ISYNA1: variants seen among roughly 807,000 people sequenced by gnomAD.
The protein encoded by ISYNA1 is MI-1-P synthase.
Under a neutral mutation model 50.3 loss-of-function variants are expected in ISYNA1, and 34 were observed. The observed-to-expected ratio is 0.68, with a 90% CI of 0.51 to 0.90. The LOEUF (loss-of-function observed/expected upper bound fraction) is 0.90, where lower values mean the gene tolerates loss of function less well. ISYNA1 is among the 40% of genes least tolerant of loss of function. The pLI, the probability that ISYNA1 is intolerant of heterozygous loss-of-function variation, is 0.00. For synonymous variants in ISYNA1, 396 were observed against 349.9 expected, an observed-to-expected ratio of 1.13 and a Z score of -1.47; for missense variants, 718 against 784.8, an observed-to-expected ratio of 0.91 and a Z score of 1.02.
At chr19:18,435,196 C>A in intron 10 of ISYNA1, 70 bp downstream of exon 10, 1 of 1,596,214 alleles carries the variant, frequency 6.3e-7, no homozygotes, top group Non-Finnish European at 8.5e-7. Context: ...TACAGCCCCC[C>A]AAGCCCTGTG....
Position 18,435,795 on chromosome 19 carries a change from GGTTGCTCTGCACCATGTCGTCCACCAC to G in ISYNA1, c.1075_1101del (p.Val359_Asn367del). ...TCTTCGCCGGGCGTATAGAGCACTG[GGTTGCTCTGCACCATGTCGTCCACCAC>G]GTTGCTCTTGGACACCTCCTTAGAG... On this transcript the variant is annotated inframe_deletion, in exon 8 of 11. Transcript: ENST00000338128. 6.2e-7 allele frequency: 1 copy of G among 1,613,682 alleles called. No individual in the cohort carries two copies. The highest frequency in any genetic ancestry group is 2.2e-5 in the East Asian group (1 of 44,882).
intron 3 of ISYNA1, 68 bp from the exon 4 acceptor site, chr19:18,437,173 C>T: frequency 1.3e-6 from 2 of 1,497,708 alleles, no homozygotes; most frequent in Admixed American, 2.2e-5. Context: ...CGGCCTGGGC[C>T]CCACCTAGAC....
Position 18,436,017 on chromosome 19 carries a change from C to G in ISYNA1, c.975+15G>C, listed in dbSNP as rs753130605. On this transcript the variant is annotated intron_variant, in intron 7 of 10. Transcript: ENST00000338128. ...GCCCCCTTCCTGCACTCGGCAGCTC[C>G]CTAGGCCCACGCACCTTGAGGCCGG... 5 of 1,613,366 alleles carry G rather than the reference C, an allele frequency of 3.1e-6. No homozygotes were observed. The highest frequency in any genetic ancestry group is 3.4e-6 in the Non-Finnish European group (4 of 1,179,902).
Position 18,436,028 on chromosome 19 carries a change from G to T in ISYNA1, c.975+4C>A. 1.2e-6 allele frequency: 2 copies of T among 1,613,316 alleles called. No individual in the cohort carries two copies. Among genetic ancestry groups the T allele is most frequent in the South Asian group, 1.1e-5 (1 of 91,084 alleles). ...GCACTCGGCAGCTCCCTAGGCCCAC[G>T]CACCTTGAGGCCGGAGCCAATGAGG... On this transcript the variant is annotated splice_donor_region_variant and intron_variant, in intron 7 of 10. Coordinates refer to ENST00000338128, the MANE Select transcript of ISYNA1 (RefSeq NM_016368.5).
Position 18,437,122 on chromosome 19 carries a change from A to T in ISYNA1, c.283-17T>A, listed in dbSNP as rs1451525602. 1.3e-6 allele frequency: 2 copies of T among 1,556,876 alleles called. No homozygotes were observed. Among genetic ancestry groups the T allele is most frequent in the Non-Finnish European group, 1.7e-6 (2 of 1,151,056 alleles). On this transcript the variant is annotated splice_polypyrimidine_tract_variant and intron_variant, in intron 3 of 10. Coordinates refer to ENST00000338128, the MANE Select transcript of ISYNA1 (RefSeq NM_016368.5). The stretch of plus-strand genomic sequence containing the variant: ...GTTGGCCTCCTGGGGGTCAGCAGAC[A>T]CGGCGAGGTGACGGGTGGGAGTGGT...
Position 18,434,517 on chromosome 19 carries a change from G to T in ISYNA1, c.*396C>A. On this transcript the variant is annotated 3_prime_UTR_variant, in exon 11 of 11. Transcript: ENST00000338128. ...GGGGCCCCTCTCCCCAGGACGTCAG[G>T]GGGTGGGGCCCATAAATAAATGGAA... The T allele has an allele frequency of 1.7e-6, 1 of 605,338 alleles. No individual in the cohort carries two copies. Among genetic ancestry groups the T allele is most frequent in the East Asian group, 3.1e-5 (1 of 32,404 alleles). 37.5% of individuals were successfully genotyped at this position (605,338 alleles called of 1,614,324 possible). A position where few individuals can be genotyped will look rare whatever the true frequency, so the allele number is the denominator to read the frequency against.
chr19:18,434,770 G>A lies in ISYNA1; in HGVS notation c.*143C>T, dbSNP rs1316478934. The A allele has an allele frequency of 7.2e-6, 5 of 695,754 alleles. No individual in the cohort carries two copies. Among genetic ancestry groups the A allele is most frequent in the Non-Finnish European group, 1.2e-5 (5 of 405,136 alleles). 43.1% of individuals were successfully genotyped at this position (695,754 alleles called of 1,614,324 possible). On this transcript the variant is annotated 3_prime_UTR_variant, in exon 11 of 11. Transcript: ENST00000338128. ...GGCGCTCAAGAGTCGGGGAAGTAGA[G>A]GGAGGCAGAGTCAGGTCACAGGCCC...
In ISYNA1 at chr19:18,436,455, G is replaced by C. The variant is rs372727131; in HGVS notation, c.634C>G (p.Arg212Gly). The C allele has an allele frequency of 6.8e-6, 11 of 1,606,866 alleles. No homozygotes were observed. Among genetic ancestry groups the C allele is most frequent in the African/African-American group, 1.3e-5 (1 of 74,886 alleles). Residue 212 changes from arginine to glycine, a missense_variant, in exon 6 of 11, where the codon CGA becomes GGA. By Grantham distance (125) the Arg-to-Gly change is moderately radical (BLOSUM62 -2). Around this residue, in one of 3 missense-constraint regions of ISYNA1, gnomAD observed 403 missense variants for 466.6 expected, o/e 0.86. Coordinates refer to ENST00000338128, the MANE Select transcript of ISYNA1 (RefSeq NM_016368.5). ...AGCCCCGCGCTAGACCGGAAGTCTC[G>C]GATGTCCCTGCGGATCTGCTCCAGC... The part of the protein sequence containing the change: ...QQLEQIRRDI[R>G]DFRSSAGLDK...
rs187409267 is a variant in ISYNA1, at chr19:18,434,761, G to A, written c.*152C>T. 4 of 663,702 alleles carry A rather than the reference G, an allele frequency of 6.0e-6. No individual in the cohort carries two copies. In the African/African-American group the frequency reaches 7.2e-5, roughly 12 times the overall value. The allele number at this position is 663,702 out of a possible 1,614,324, so 41.1% of individuals were successfully genotyped here. ...CTGAAGCTGGGCGCTCAAGAGTCGG[G>A]GAAGTAGAGGGAGGCAGAGTCAGGT... On this transcript the variant is annotated 3_prime_UTR_variant, in exon 11 of 11. Transcript: ENST00000338128.
Position 18,435,666 on chromosome 19 carries a change from TTGA to T in ISYNA1, c.1148_1150del (p.Ile383del), listed in dbSNP as rs1164981489. ...GCTGTCACCCACGTACGGCACATAC[TTGA>T]TGACCACCTGGAGTGCAGCAGGAGT... On this transcript the variant is annotated inframe_deletion, in exon 9 of 11. Transcript: ENST00000338128. 9 of 1,611,950 alleles carry T rather than the reference TTGA, an allele frequency of 5.6e-6. No homozygotes were observed. Among genetic ancestry groups the T allele is most frequent in the East Asian group, 2.2e-5 (1 of 44,822 alleles).
rs751563209 is a variant in ISYNA1 at position 18,436,893 on chromosome 19, C to CA, written c.416-17dup. The CA allele has an allele frequency of 1.9e-6, 3 of 1,595,430 alleles. No individual in the cohort carries two copies. In the African/African-American group the frequency reaches 4.0e-5, roughly 21 times the overall value. ...ATGTCCCAGCCTGGGGGGACCCTCA[C>CA]ACTCGGCCCTGCCCGGATCCTGGGC... is the stretch of plus-strand genomic sequence containing the variant. On this transcript the variant is annotated splice_polypyrimidine_tract_variant and intron_variant, in intron 4 of 10. Coordinates refer to ENST00000338128, the MANE Select transcript of ISYNA1 (RefSeq NM_016368.5).
rs1169701344 is a variant in ISYNA1 at position 18,434,662 on chromosome 19, G to A, written c.*251C>T. 2 of 576,430 alleles carry A rather than the reference G, an allele frequency of 3.5e-6. No homozygotes were observed. Among genetic ancestry groups the A allele is most frequent in the African/African-American group, 3.7e-5 (2 of 53,438 alleles). The allele number at this position is 576,430 out of a possible 1,614,324, so 35.7% of individuals were successfully genotyped here. A position where few individuals can be genotyped will look rare whatever the true frequency, so the allele number is the denominator to read the frequency against. On this transcript the variant is annotated 3_prime_UTR_variant, in exon 11 of 11. Transcript: ENST00000338128. ...CATCTAGCCCCACCTTTGAGAACTG[G>A]GGGCAGAGCGAGGCTCCAGGTTCTG...
chr19:18,435,766 A>G lies in ISYNA1; in HGVS notation c.1131T>C (p.Pro377=), dbSNP rs1973978737. 6.2e-7 allele frequency: 1 copy of G among 1,613,138 alleles called. No homozygotes were observed. Residue 377 remains proline, a synonymous_variant, in exon 8 of 11, where the codon CCT becomes CCC. Transcript: ENST00000338128. ...NPVLYTPGEE[P]DHCVVIKYVP... The stretch of plus-strand genomic sequence containing the variant: ...CCCGCGCCCCACGCACGCAGTGGTC[A>G]GGCTCTTCGCCGGGCGTATAGAGCA...
rs1443216732 is a variant in ISYNA1, at chr19:18,434,660, T to G, written c.*253A>C. 1 of 573,732 alleles carries G rather than the reference T, an allele frequency of 1.7e-6. No homozygotes were observed. The allele number at this position is 573,732 out of a possible 1,614,324, so 35.5% of individuals were successfully genotyped here. A position where few individuals can be genotyped will look rare whatever the true frequency, so the allele number is the denominator to read the frequency against. On this transcript the variant is annotated 3_prime_UTR_variant, in exon 11 of 11. Transcript: ENST00000338128. ...CCCATCTAGCCCCACCTTTGAGAAC[T>G]GGGGGCAGAGCGAGGCTCCAGGTTC...
In ISYNA1 at chr19:18,437,689, G is replaced by A. The variant is rs1227397417; in HGVS notation, c.192C>T (p.Val64=). Residue 64 remains valine (V), a synonymous_variant, in exon 3 of 11, where the codon GTC becomes GTT. Coordinates refer to ENST00000338128, the MANE Select transcript of ISYNA1 (RefSeq NM_016368.5). ...RQVPRLGVML[V]GWGGNNGSTL... ...TGGAGCCGTTGTTCCCGCCCCAGCCGACAAGCATGACCCCGAGCCGGGGCA... is the reference window on the plus strand; with the variant it reads ...TGGAGCCGTTGTTCCCGCCCCAGCCAACAAGCATGACCCCGAGCCGGGGCA... The A allele has an allele frequency of 6.5e-7, 1 of 1,550,262 alleles. No individual in the cohort carries two copies.
Position 18,435,850 on chromosome 19 carries a change from G to A in ISYNA1, c.1047C>T (p.Phe349=), listed in dbSNP as rs1973986207. The A allele has an allele frequency of 6.2e-7, 1 of 1,614,018 alleles. No individual in the cohort carries two copies. The highest frequency in any genetic ancestry group is 2.2e-5 in the East Asian group (1 of 44,882). ...DGENLSAPLQ[F]RSKEVSKSNV... is the part of the protein sequence containing the mutation. Reference sequence around the variant, plus strand: ...TGCTCTTGGACACCTCCTTAGAGCGGAACTGCAATGGCGCCGATAGGTTCT... The same window carrying A: ...TGCTCTTGGACACCTCCTTAGAGCGAAACTGCAATGGCGCCGATAGGTTCT... The change falls in exon 8 of 11, where the codon TTC becomes TTT. Residue 349 remains phenylalanine, a synonymous_variant. Transcript: ENST00000338128.
intron 3 of ISYNA1, 97 bp downstream of exon 3, chr19:18,437,502 C>A: frequency 1.2e-6 from 1 of 809,676 alleles, no homozygotes; most frequent in Non-Finnish European, 1.7e-6. Flanking sequence ...CTACAGCCCC[C>A]CTGGTCCCGC....
intron 8 of ISYNA1, 33 bp downstream of exon 8, chr19:18,435,724 G>A: frequency 6.2e-7 from 1 of 1,609,290 alleles, no homozygotes; most frequent in Non-Finnish European, 8.5e-7. Context: ...CCCTCGCCGG[G>A]CAACCCCGCG....
intron 7 of ISYNA1, 39 bp downstream of exon 7, chr19:18,435,993 C>G (rs1973998972): frequency 6.2e-7 from 1 of 1,612,622 alleles, no homozygotes; most frequent in East Asian, 2.2e-5. Flanking sequence ...GCGGCCCAGG[C>G]CCCCTTCCTG....
Sources: allele counts gnomAD v4.1 joint callset, GRCh38; gene constraint gnomAD v4.1.1; regional missense constraint gnomAD v4.1.1; transcripts MANE v1.5; gene names NCBI Gene and HGNC (gene_info 2026-07-23, HGNC 2026-07-21).